The following EPHX2 variants were observed in gnomAD, a reference collection of about 807,000 sequenced individuals.
EPHX2 encodes the protein epoxide hydrolase 2, also known as bifunctional epoxide hydrolase 2.
Under a neutral mutation model 78.7 loss-of-function variants are expected in EPHX2, and 74 were observed. The observed-to-expected ratio is 0.94, with a 90% CI of 0.78 to 1.14. The LOEUF (loss-of-function observed/expected upper bound fraction) is 1.14. Ranked by LOEUF, EPHX2 falls within the 50% of genes most tolerant of loss-of-function variation. The pLI is 0.00. For synonymous variants in EPHX2, 251 were observed against 255.2 expected (o/e 0.98, Z 0.16); for missense variants, 715 against 702.5 (o/e 1.02, Z -0.20).
At chr8:27,493,758 G>A (rs1464486164) in intron 1 of EPHX2, among the ~76,000 whole-genome samples, 1 of 152,182 alleles carries the variant, frequency 6.6e-6, no homozygotes, top group Non-Finnish European at 1.5e-5. Context: ...TGGCTGGGTA[G>A]AATAAACTGG....
rs145423911 is a variant in EPHX2 at position 27,516,917 on chromosome 8, C to CTTTTTTTTT, written c.910+520_910+521insTTTTTTTTT. On this transcript the variant is annotated intron_variant, in intron 8 of 18. Transcript: ENST00000521400. The stretch of plus-strand genomic sequence containing the variant: ...TATAGACGGCACCACAATTTCCTTC[C>CTTTTTTTTT]TATTTTTTTTTTTTTTTTTTGAGAC... 2.1e-5 allele frequency among the ~76,000 whole-genome samples: 3 copies of CTTTTTTTTT among 144,196 alleles called. 1 individual carries two copies. Among genetic ancestry groups the CTTTTTTTTT allele is most frequent in the Non-Finnish European group, 1.5e-5 (1 of 66,922 alleles). 94.6% of individuals were successfully genotyped at this position (144,196 alleles called of 152,430 possible).
chr8:27,507,568 G>A (rs535234488), intron 5 of EPHX2, among the ~76,000 whole-genome samples: 1 of 152,304 alleles, frequency 6.6e-6, no homozygotes, highest in South Asian at 2.1e-4. Flanking sequence ...CTGCAGAAGT[G>A]CAGCACCCTC....
intron 15 of EPHX2, 95 bp from the exon 16 acceptor site, chr8:27,541,378 G>A (rs1815394965): frequency 7.5e-7 from 1 of 1,336,706 alleles, no homozygotes; most frequent in Non-Finnish European, 1.1e-6. Context: ...GCTCTTCCCA[G>A]GACGACTGGC....
intron 12 of EPHX2, among the ~76,000 whole-genome samples, chr8:27,535,814 C>A (rs1460715976): frequency 1.3e-5 from 2 of 152,182 alleles, no homozygotes; most frequent in African/African-American, 2.4e-5. Context: ...CAGTAGGAAT[C>A]TCCTCCCCAG....
chr8:27,516,194 C>A, intron 7 of EPHX2, 126 bp from the exon 8 acceptor site: 1 of 957,104 alleles, frequency 1.0e-6, no homozygotes, highest in Non-Finnish European at 1.6e-6. Context: ...GGCAAAGTTA[C>A]CGGGTAGTGC....
At chr8:27,496,057 T>A (rs1280139657) in intron 1 of EPHX2, among the ~76,000 whole-genome samples, 1 of 152,158 alleles carries the variant, frequency 6.6e-6, no homozygotes, top group East Asian at 1.9e-4. Flanking sequence ...CCCCCACAAC[T>A]GTTTTAATGT....
At chr8:27,493,303 C>G (rs1333502035) in intron 1 of EPHX2, 1 of 152,768 alleles carries the variant, frequency 6.5e-6, no homozygotes, top group Non-Finnish European at 1.5e-5. Context: ...AGGCAGCATC[C>G]TGTACTATCC....
chr8:27,492,949 T>G (rs1813434636), intron 1 of EPHX2: 1 of 154,236 alleles, frequency 6.5e-6, no homozygotes, highest in East Asian at 1.9e-4. Flanking sequence ...TACTTCCTGC[T>G]GGATAGGGGC....
chr8:27,530,155 G>A (rs1217643752), intron 12 of EPHX2, among the ~76,000 whole-genome samples: 1 of 151,792 alleles, frequency 6.6e-6, no homozygotes, highest in Non-Finnish European at 1.5e-5. Context: ...CAAACTGCTG[G>A]GATTACAGGT....
intron 13 of EPHX2, 69 bp downstream of exon 13, chr8:27,536,924 G>A: frequency 6.5e-7 from 1 of 1,547,818 alleles, no homozygotes; most frequent in Middle Eastern, 2.0e-4. Context: ...TACCTAGTGT[G>A]TGGCAGGGAC....
In EPHX2 at chr8:27,503,756, G is replaced by A. The variant is rs1370810295; in HGVS notation, c.339G>A (p.Arg113=). 1.2e-6 allele frequency: 2 copies of A among 1,611,390 alleles called. No individual in the cohort carries two copies. Among genetic ancestry groups the A allele is most frequent in the Non-Finnish European group, 1.7e-6 (2 of 1,179,886 alleles). ...TGCTCCAGGCAGCTCTCATGCTCAG[G>A]AAGAAAGGTAAGGATCTGATACTGG... ...RPMLQAALML[R]KKGFTTAILT... The change falls in exon 3 of 19, where the codon AGG becomes AGA. Residue 113 remains arginine (R), a synonymous_variant. Transcript: ENST00000521400.
At chr8:27,508,150 A>C (rs1382663373) in intron 5 of EPHX2, among the ~76,000 whole-genome samples, 1 of 152,110 alleles carries the variant, frequency 6.6e-6, no homozygotes, top group Non-Finnish European at 1.5e-5. Flanking sequence ...AAAAATATAA[A>C]AACTTAGCCA....
At chr8:27,491,657 C>T (rs1813384848) in intron 1 of EPHX2, among the ~76,000 whole-genome samples, 1 of 152,154 alleles carries the variant, frequency 6.6e-6, no homozygotes, top group Admixed American at 6.5e-5. Context: ...GTTCTCTCCC[C>T]AGGTGTGGGT....
At chr8:27,529,581 G>T (rs1182428897) in intron 12 of EPHX2, among the ~76,000 whole-genome samples, 1 of 152,146 alleles carries the variant, frequency 6.6e-6, no homozygotes, top group Non-Finnish European at 1.5e-5. Flanking sequence ...AGGCACCTGT[G>T]TGTGTGTCTG....
intron 13 of EPHX2, 95 bp downstream of exon 13, chr8:27,536,950 G>A: frequency 7.6e-7 from 1 of 1,323,312 alleles, no homozygotes; most frequent in South Asian, 1.3e-5. Flanking sequence ...GTAGCAATCT[G>A]GCCTCCTTTT....
rs1391540322 is a variant in EPHX2 at position 27,516,334 on chromosome 8, C to T, written c.846C>T (p.Ala282=). The T allele has an allele frequency of 1.9e-6, 3 of 1,613,804 alleles. No homozygotes were observed. Among genetic ancestry groups the T allele is most frequent in the African/African-American group, 2.7e-5 (2 of 74,870 alleles). The change falls in exon 8 of 19, where the codon GCC becomes GCT. Residue 282 remains alanine, a synonymous_variant. Transcript: ENST00000521400. The part of the protein sequence containing the change: ...YSWRYQIPAL[A]QAGYRVLAMD... ...TTGTTTTCTAGATCCCTGCTCTGGC[C>T]CAGGCAGGTTACCGGGTCCTAGCTA...
At chr8:27,513,630 T>A (rs1202660045) in intron 6 of EPHX2, among the ~76,000 whole-genome samples, 1 of 152,128 alleles carries the variant, frequency 6.6e-6, no homozygotes, top group African/African-American at 2.4e-5. Flanking sequence ...TGATAATAGA[T>A]CTTTCTGTGT....
Position 27,544,467 on chromosome 8 carries a change from T to G in EPHX2, c.1613T>G (p.Leu538Arg). The G allele has an allele frequency of 6.2e-7, 1 of 1,614,060 alleles. No homozygotes were observed. Among genetic ancestry groups the G allele is most frequent in the Non-Finnish European group, 8.5e-7 (1 of 1,180,030 alleles). Reference sequence around the variant, plus strand: ...AGGCCAACCGAGGTGAATCAGATCCTCATTAAGTGGCTGGATTCTGATGCC... The same window carrying G: ...AGGCCAACCGAGGTGAATCAGATCCGCATTAAGTGGCTGGATTCTGATGCC... ...MDKPTEVNQI[L>R]IKWLDSDARN... Residue 538 changes from leucine (L) to arginine (R), a missense_variant, in exon 19 of 19, where the codon CTC (leucine) becomes CGC (arginine). Physicochemically the swap from Leu to Arg is moderately radical, Grantham distance 102. Coordinates refer to ENST00000521400, the MANE Select transcript of EPHX2 (RefSeq NM_001979.6).
intron 1 of EPHX2, among the ~76,000 whole-genome samples, chr8:27,496,366 C>T (rs889480034): frequency 1.3e-5 from 2 of 152,300 alleles, no homozygotes; most frequent in African/African-American, 2.4e-5. Context: ...AAGGCTATCC[C>T]TAAACCCTTG....
Sources: gnomAD v4.1 joint callset for allele counts (sites outside exome capture counted in the v4.1 genomes callset) on GRCh38, gnomAD v4.1.1 for gene constraint, MANE v1.5 for transcripts, NCBI Gene and HGNC (gene_info 2026-07-23, HGNC 2026-07-21) for gene names.